The following EEFSEC variants were observed in gnomAD, a reference collection of about 807,000 sequenced individuals.
EEFSEC encodes the protein eukaryotic elongation factor, selenocysteine-tRNA specific.
EEFSEC carries 43 observed loss-of-function variants against 42.1 expected under a neutral mutation model. The ratio of observed to expected loss-of-function variants is 1.02; its 90% CI spans 0.80 to 1.32. The LOEUF (loss-of-function observed/expected upper bound fraction) is 1.32. EEFSEC is among the 40% of genes most tolerant of loss of function. EEFSEC has a pLI of 0.00. For missense variants in EEFSEC, 745 were observed against 803.6 expected (o/e 0.93, Z 0.88); for synonymous variants, 354 against 339.1 (o/e 1.04, Z -0.48).
In EEFSEC at chr3:128,324,516, G is replaced by T. The variant is rs138581540; in HGVS notation, c.787-16717G>T. Among the ~76,000 whole-genome samples, 478 of 152,292 alleles carry T rather than the reference G, an allele frequency of 3.1e-3. 4 individuals carry two copies. The highest frequency in any genetic ancestry group is 0.011 in the African/African-American group (454 of 41,558). ...ACAGATTTCAGGTGGTTCAATGAAT[G>T]CCTTACTCCATGGAGTTACTAAGCG... On this transcript the variant is annotated intron_variant, in intron 4 of 6. Transcript: ENST00000254730.
intron 4 of EEFSEC, chr3:128,336,849 TA>T (rs1460057094): frequency 3.9e-5 from 6 of 152,234 alleles, no homozygotes; most frequent in African/African-American, 1.4e-4. Context: ...CAGCAGACTT[TA>T]TAGAACCCAA....
At chr3:128,279,459 G>C (rs766104834) in intron 4 of EEFSEC, among the ~76,000 whole-genome samples, 25 of 151,982 alleles carry the variant, frequency 1.6e-4, no homozygotes, top group South Asian at 2.1e-4. Flanking sequence ...AATTATCCCT[G>C]GCGGAGAACC....
chr3:128,212,821 T>A (rs1390914649), intron 1 of EEFSEC, among the ~76,000 whole-genome samples: 2 of 152,174 alleles, frequency 1.3e-5, no homozygotes, highest in Admixed American at 1.3e-4. Flanking sequence ...GAAGCAAGCA[T>A]AAACAGGACG....
intron 1 of EEFSEC, among the ~76,000 whole-genome samples, chr3:128,217,900 C>T (rs1419051490): frequency 1.3e-5 from 2 of 152,152 alleles, no homozygotes; most frequent in Non-Finnish European, 2.9e-5. Context: ...AACATTTTTC[C>T]ACTTGGCTGC....
At chr3:128,397,809 G>A (rs1486801508) in intron 6 of EEFSEC, among the ~76,000 whole-genome samples, 1 of 152,402 alleles carries the variant, frequency 6.6e-6, no homozygotes, top group Middle Eastern at 3.4e-3. Context: ...TGGATGGGGG[G>A]CATGAGCCCC....
intron 6 of EEFSEC, among the ~76,000 whole-genome samples, chr3:128,403,785 A>G (rs2068077283): frequency 6.6e-6 from 1 of 152,200 alleles, no homozygotes; most frequent in African/African-American, 2.4e-5. Flanking sequence ...CCTTGGGTCC[A>G]GCATTCCTCC....
Position 128,280,115 on chromosome 3 carries a change from C to T in EEFSEC, c.786+15334C>T, listed in dbSNP as rs560949405. Among the ~76,000 whole-genome samples, 200 of 152,300 alleles carry T rather than the reference C, an allele frequency of 1.3e-3. 2 individuals carry two copies. The highest frequency in any genetic ancestry group is 2.2e-3 in the Non-Finnish European group (152 of 68,026). On this transcript the variant is annotated intron_variant, in intron 4 of 6. Transcript: ENST00000254730. The stretch of plus-strand genomic sequence containing the variant: ...AAATGCTAATTGCAAAACCAAATCT[C>T]AATATGTATGATTTGGTCCCATTAT...
intron 2 of EEFSEC, among the ~76,000 whole-genome samples, chr3:128,247,414 A>G (rs1357888803): frequency 6.6e-6 from 1 of 152,174 alleles, no homozygotes; most frequent in Non-Finnish European, 1.5e-5. Context: ...TCCCGCCTAC[A>G]TATATTGGCC....
chr3:128,166,064 C>T (rs2065239908), intron 1 of EEFSEC, among the ~76,000 whole-genome samples: 1 of 152,214 alleles, frequency 6.6e-6, no homozygotes, highest in South Asian at 2.1e-4. Context: ...AGGGGACATT[C>T]AGAGATGATC....
chr3:128,153,935 T>C, intron 1 of EEFSEC, 112 bp downstream of exon 1: 2 of 1,360,454 alleles, frequency 1.5e-6, no homozygotes, highest in Non-Finnish European at 1.9e-6. Context: ...CCCACCTCAT[T>C]GGTGGGGCTC....
At chr3:128,324,443 G>A (rs927700638) in intron 4 of EEFSEC, among the ~76,000 whole-genome samples, 3 of 152,162 alleles carry the variant, frequency 2.0e-5, no homozygotes, top group African/African-American at 7.2e-5. Context: ...ATGTGTTGGG[G>A]TGTCAGCACA....
intron 3 of EEFSEC, among the ~76,000 whole-genome samples, chr3:128,263,823 G>A (rs1251185005): frequency 6.6e-6 from 1 of 152,264 alleles, no homozygotes; most frequent in Non-Finnish European, 1.5e-5. Flanking sequence ...GGCATGAGGA[G>A]AATCGGCTGG....
chr3:128,422,983 C>T, the EEFSEC span, among the ~76,000 whole-genome samples: 1 of 152,262 alleles, frequency 6.6e-6, no homozygotes, highest in African/African-American at 2.4e-5. Context: ...CCCACACCAA[C>T]CATGGCAGCT....
At chr3:128,204,640 C>T (rs771900792) in intron 1 of EEFSEC, among the ~76,000 whole-genome samples, 1 of 152,108 alleles carries the variant, frequency 6.6e-6, no homozygotes, top group Non-Finnish European at 1.5e-5. Context: ...CCACTCCTTT[C>T]CTGGGAGCAT....
intron 4 of EEFSEC, among the ~76,000 whole-genome samples, chr3:128,280,742 T>C (rs866877184): frequency 6.6e-5 from 10 of 152,218 alleles, no homozygotes; most frequent in South Asian, 2.1e-4. Flanking sequence ...CTCTACTTTA[T>C]TGGGGAAGCT....
intron 1 of EEFSEC, among the ~76,000 whole-genome samples, chr3:128,234,481 G>A (rs1238548437): frequency 1.3e-5 from 2 of 152,116 alleles, no homozygotes; most frequent in Admixed American, 6.5e-5. Context: ...CCTTGCATAC[G>A]ACAGCATGGT....
chr3:128,240,716 C>T (rs2066060681), intron 1 of EEFSEC, among the ~76,000 whole-genome samples: 1 of 152,234 alleles, frequency 6.6e-6, no homozygotes, highest in Non-Finnish European at 1.5e-5. Flanking sequence ...TGCAATGTGA[C>T]TGAAGTCTTG....
chr3:128,247,029 C>T lies in EEFSEC; in HGVS notation c.510C>T (p.Thr170=). Residue 170 remains threonine (T), a synonymous_variant, in exon 2 of 7, where the codon ACC becomes ACT. Coordinates refer to ENST00000254730, the MANE Select transcript of EEFSEC (RefSeq NM_021937.5). ...AAATGACCAAGAAAATGCAGAAGACCCTAGAGAACACCAAGTAGGTCTGCT... is the reference window on the plus strand; with the variant it reads ...AAATGACCAAGAAAATGCAGAAGACTCTAGAGAACACCAAGTAGGTCTGCT... The part of the protein sequence containing the change: ...IDKMTKKMQK[T]LENTKFRGAP... 6.2e-7 allele frequency: 1 copy of T among 1,613,990 alleles called. No individual in the cohort carries two copies. Among genetic ancestry groups the T allele is most frequent in the Non-Finnish European group, 8.5e-7 (1 of 1,180,024 alleles).
At chr3:128,411,234 C>T (rs2068172028), downstream of EEFSEC, among the ~76,000 whole-genome samples, 1 of 152,210 alleles carries the variant, frequency 6.6e-6, no homozygotes, top group Non-Finnish European at 1.5e-5. Context: ...CCCCCGTCCC[C>T]CAGGATGCCT....
Sources: allele counts gnomAD v4.1 joint callset (sites outside exome capture counted in the v4.1 genomes callset), GRCh38; gene constraint gnomAD v4.1.1; transcripts MANE v1.5; gene names NCBI Gene and HGNC (gene_info 2026-07-23, HGNC 2026-07-21).